DENND1A: variants seen among roughly 807,000 people sequenced by gnomAD.
The protein encoded by DENND1A is DENN domain-containing protein 1A.
Under a neutral mutation model 113.7 loss-of-function variants are expected in DENND1A, and 51 were observed. That is an observed-to-expected ratio of 0.45 (90% confidence interval 0.36 to 0.57). The LOEUF is 0.57. Among genes scored for constraint, DENND1A ranks in the 20% least tolerant of loss-of-function variants. The probability of loss-of-function intolerance (pLI) is 0.00; values close to 1 mark genes in which losing one functional copy is unlikely to be tolerated. For missense variants in DENND1A, 1,258 were observed against 1,395.9 expected (o/e 0.90, Z 1.57); for synonymous variants, 565 against 570.8 (o/e 0.99, Z 0.14).
chr9:123,919,709 T>G (rs112286411), intron 1 of DENND1A, among the ~76,000 whole-genome samples: 3,837 of 147,958 alleles, frequency 0.026, 167 homozygotes, highest in African/African-American at 0.091. Flanking sequence ...TGGTGAAATC[T>G]CATCTCTACC....
At chr9:123,429,589 G>A (rs1332861954) in intron 19 of DENND1A, among the ~76,000 whole-genome samples, 3 of 151,990 alleles carry the variant, frequency 2.0e-5, no homozygotes, top group African/African-American at 7.3e-5. Flanking sequence ...AAAAAGCAAT[G>A]GGGAAAGGAT....
At chr9:123,579,576 T>G (rs1226681464) in intron 12 of DENND1A, among the ~76,000 whole-genome samples, 1 of 151,834 alleles carries the variant, frequency 6.6e-6, no homozygotes, top group African/African-American at 2.4e-5. Context: ...AGGGGGAAAA[T>G]AAAAGCTTAG....
chr9:123,539,085 T>C (rs1271164113), intron 13 of DENND1A, among the ~76,000 whole-genome samples: 5 of 151,920 alleles, frequency 3.3e-5, no homozygotes, highest in Non-Finnish European at 5.9e-5. Context: ...GCTTAGAATA[T>C]CACCATTTTT....
At chr9:123,763,708 A>G (rs1414734200) in intron 4 of DENND1A, among the ~76,000 whole-genome samples, 1 of 152,140 alleles carries the variant, frequency 6.6e-6, no homozygotes, top group South Asian at 2.1e-4. Context: ...AGAAGAGACC[A>G]AAGAAAGGAG....
chr9:123,535,529 C>T (rs1488358699), intron 13 of DENND1A, among the ~76,000 whole-genome samples: 1 of 152,242 alleles, frequency 6.6e-6, no homozygotes, highest in East Asian at 1.9e-4. Flanking sequence ...CGGCCTCTGT[C>T]TCCTATGTTT....
At chr9:123,818,991 T>A (rs902513164) in intron 2 of DENND1A, among the ~76,000 whole-genome samples, 3 of 152,206 alleles carry the variant, frequency 2.0e-5, no homozygotes, top group Non-Finnish European at 4.4e-5. Flanking sequence ...CAAGTCAGCA[T>A]CACCTACAAA....
chr9:123,838,029 G>C (rs187531167), intron 2 of DENND1A, among the ~76,000 whole-genome samples: 7 of 152,290 alleles, frequency 4.6e-5, no homozygotes, highest in Admixed American at 2.6e-4. Flanking sequence ...ACCAGAACCA[G>C]AATTTACGCT....
intron 20 of DENND1A, among the ~76,000 whole-genome samples, chr9:123,406,519 G>A (rs1326981984): frequency 1.1e-4 from 16 of 152,222 alleles, no homozygotes; most frequent in Non-Finnish European, 1.5e-5. Flanking sequence ...TGGACTGCCT[G>A]GTATGTCATG....
intron 13 of DENND1A, among the ~76,000 whole-genome samples, chr9:123,471,331 T>C (rs1191201402): frequency 6.6e-6 from 1 of 152,122 alleles, no homozygotes; most frequent in Non-Finnish European, 1.5e-5. Flanking sequence ...TTCACAGGGC[T>C]GTGTGGGGAT....
intron 10 of DENND1A, among the ~76,000 whole-genome samples, chr9:123,625,469 C>T (rs2061163215): frequency 6.6e-6 from 1 of 152,362 alleles, no homozygotes. Context: ...TTGGGCCACA[C>T]ATGGTAGCTC....
chr9:123,407,723 G>T (rs1229165807), intron 20 of DENND1A, among the ~76,000 whole-genome samples: 1 of 152,170 alleles, frequency 6.6e-6, no homozygotes, highest in Non-Finnish European at 1.5e-5. Flanking sequence ...TTCCAGCTCT[G>T]TTCAAGGGGG....
intron 5 of DENND1A, among the ~76,000 whole-genome samples, chr9:123,710,979 G>A (rs952209798): frequency 6.6e-6 from 1 of 152,056 alleles, no homozygotes; most frequent in Non-Finnish European, 1.5e-5. Flanking sequence ...AGCCGGAAGA[G>A]ATCTTTTTAA....
chr9:123,883,343 T>A (rs1003794960), intron 1 of DENND1A, among the ~76,000 whole-genome samples: 1 of 152,188 alleles, frequency 6.6e-6, no homozygotes, highest in Non-Finnish European at 1.5e-5. Flanking sequence ...AAATACTGGG[T>A]AGAAGGCATA....
intron 2 of DENND1A, among the ~76,000 whole-genome samples, chr9:123,828,061 G>A (rs930838959): frequency 1.3e-5 from 2 of 151,902 alleles, no homozygotes; most frequent in African/African-American, 4.8e-5. Flanking sequence ...AGACCCAGAA[G>A]GGATTCAAAT....
At chr9:123,479,100 A>G (rs2050135448) in intron 13 of DENND1A, among the ~76,000 whole-genome samples, 1 of 152,254 alleles carries the variant, frequency 6.6e-6, no homozygotes, top group African/African-American at 2.4e-5. Flanking sequence ...TGTGACAGGC[A>G]TGGTAAGGCA....
intron 13 of DENND1A, among the ~76,000 whole-genome samples, chr9:123,495,141 T>TTTTCTCTCTCTC (rs2051765889): frequency 7.1e-6 from 1 of 140,560 alleles, no homozygotes; most frequent in South Asian, 2.3e-4. Context: ...CATTGTCTCT[T>TTTTCTCTCTCTC]TCTCTCTCTC....
At chr9:123,445,798 TGGAGTTTGCGGTGAGCTGAGA>T (rs1376353455) in intron 18 of DENND1A, among the ~76,000 whole-genome samples, 2 of 151,958 alleles carry the variant, frequency 1.3e-5, no homozygotes, top group African/African-American at 4.8e-5. Flanking sequence ...ACCTGGGAGG[TGGAGTTTGCGGTGAGCTGAGA>T]TCACACCACT....
At chr9:123,408,738 C>A (rs1394270604) in intron 20 of DENND1A, among the ~76,000 whole-genome samples, 2 of 152,220 alleles carry the variant, frequency 1.3e-5, no homozygotes, top group Non-Finnish European at 2.9e-5. Context: ...CCGTGTCTCT[C>A]ACAGCGTCTG....
At chr9:123,551,484 T>C (rs2057041351) in intron 13 of DENND1A, among the ~76,000 whole-genome samples, 1 of 152,204 alleles carries the variant, frequency 6.6e-6, no homozygotes, top group East Asian at 1.9e-4. Context: ...GGAGGATGTG[T>C]TGGAGGGAAC....
Sources: gnomAD v4.1 joint callset for allele counts (sites outside exome capture counted in the v4.1 genomes callset) on GRCh38, gnomAD v4.1.1 for gene constraint, MANE v1.5 for transcripts, NCBI Gene and HGNC (gene_info 2026-07-23, HGNC 2026-07-21) for gene names.